Variants in CEP170B observed in about 807,000 individuals in gnomAD.
CEP170B encodes centrosomal protein of 170 kDa protein B.
In CEP170B, 55 loss-of-function variants were observed where a neutral mutation model predicts 120.6. The ratio of observed to expected loss-of-function variants is 0.46; its 90% CI spans 0.37 to 0.57. The LOEUF (loss-of-function observed/expected upper bound fraction) is 0.57, where lower values mean the gene tolerates loss of function less well. CEP170B is among the 20% of genes least tolerant of loss of function. The probability of loss-of-function intolerance (pLI) is 0.00; values close to 1 mark genes in which losing one functional copy is unlikely to be tolerated. For synonymous variants in CEP170B, 1,033 were observed against 954.5 expected (o/e 1.08, Z -1.52); for missense variants, 2,212 against 2,253.3 (o/e 0.98, Z 0.37).
intron 3 of CEP170B, among the ~76,000 whole-genome samples, chr14:104,877,664 G>A (rs953922705): frequency 1.2e-4 from 19 of 152,138 alleles, no homozygotes; most frequent in Admixed American, 9.8e-4. Flanking sequence ...GTGCTGGGTG[G>A]GCCCCAGTGT....
Position 104,886,669 on chromosome 14 carries a change from G to T in CEP170B, c.2430G>T (p.Arg810Ser), listed in dbSNP as rs370522535. ...AGAATGGGGACGCTGTGTTATCTAG[G>T]AAACCGCTTGCGGCTCCAGGGGATG... is the stretch of plus-strand genomic sequence containing the variant. Reference protein sequence around the residue: ...GDQNGDAVLSRKPLAAPGDGE... With the variant: ...GDQNGDAVLSSKPLAAPGDGE... Residue 810 changes from arginine (R) to serine (S), a missense_variant, in exon 12 of 19, where the codon AGG (arginine) becomes AGT (serine). Arg to Ser is a moderately radical substitution (Grantham distance 110, BLOSUM62 -1). Transcript: ENST00000414716. 1 of 1,540,666 alleles carries T rather than the reference G, an allele frequency of 6.5e-7. No individual in the cohort carries two copies. The highest frequency in any genetic ancestry group is 1.3e-5 in the South Asian group (1 of 78,798).
rs1375906314 is a variant in CEP170B at position 104,865,849 on chromosome 14, G to T, written c.-28+336G>T. ...CGCCGCTCCCTCCCCCGCCGGGCCC[G>T]GCCGCCTCCCTCCTGGCCTGGTCTC... On this transcript the variant is annotated intron_variant, in intron 1 of 18. Transcript: ENST00000414716. This position sits in a 1 kb window ranked among gnomAD's most constrained non-coding sequence, Gnocchi z 6.7. Among the ~76,000 whole-genome samples, 3 of 152,042 alleles carry T rather than the reference G, an allele frequency of 2.0e-5. No homozygotes were observed. The highest frequency in any genetic ancestry group is 1.5e-5 in the Non-Finnish European group (1 of 67,972).
intron 13 of CEP170B, among the ~76,000 whole-genome samples, chr14:104,892,082 C>T (rs920331324): frequency 1.3e-4 from 20 of 151,852 alleles, no homozygotes; most frequent in African/African-American, 4.3e-4. Flanking sequence ...GTGTGGGGGC[C>T]GAGGAGGCTT....
chr14:104,869,146 G>A (rs927921242), intron 2 of CEP170B, among the ~76,000 whole-genome samples: 4 of 152,188 alleles, frequency 2.6e-5, no homozygotes, highest in Non-Finnish European at 5.9e-5. Flanking sequence ...TTGGCTTTGT[G>A]GGGCTTGCGA....
chr14:104,885,497 G>C lies in CEP170B; in HGVS notation c.1899G>C (p.Glu633Asp), dbSNP rs1316646466. ...CCCAGCGGATGGCGCTACTGCAGGA[G>C]TTTGCCTCCCGGCCACTGGGTGCGG... The part of the protein sequence containing the change: ...GVAQRMALLQ[E>D]FASRPLGAAP... The change falls in exon 10 of 19, where the codon GAG (glutamate) becomes GAC (aspartate). Residue 633 changes from glutamate (E) to aspartate (D), a missense_variant. By Grantham distance (45) the Glu-to-Asp change is conservative. Coordinates refer to ENST00000414716, the MANE Select transcript of CEP170B (RefSeq NM_001112726.3). 1.9e-5 allele frequency: 30 copies of C among 1,567,282 alleles called. No homozygotes were observed. In the East Asian group the frequency reaches 7.1e-4, roughly 37 times the overall value.
chr14:104,868,632 C>A lies in CEP170B; in HGVS notation c.105+77C>A. On this transcript the variant is annotated intron_variant, in intron 2 of 18. Transcript: ENST00000414716. The surrounding 1 kb of genome is among the most constrained non-coding windows in gnomAD (Gnocchi z 5.9). Reference sequence around the variant, plus strand: ...CTGTGGAGGCCAGGAAGGTGCCCACCCCACTTGCTGCAGGCCACCCTGGCG... The same window carrying A: ...CTGTGGAGGCCAGGAAGGTGCCCACACCACTTGCTGCAGGCCACCCTGGCG... 3 of 1,372,458 alleles carry A rather than the reference C, an allele frequency of 2.2e-6. No homozygotes were observed. Among genetic ancestry groups the A allele is most frequent in the South Asian group, 1.3e-5 (1 of 76,408 alleles). The allele number at this position is 1,372,458 out of a possible 1,614,324, so 85.0% of individuals were successfully genotyped here. A position where few individuals can be genotyped will look rare whatever the true frequency, so the allele number is the denominator to read the frequency against.
Position 104,868,340 on chromosome 14 carries a change from A to G in CEP170B, c.-27-84A>G. On this transcript the variant is annotated intron_variant, in intron 1 of 18. Transcript: ENST00000414716. This position sits in a 1 kb window ranked among gnomAD's most constrained non-coding sequence, Gnocchi z 5.9. The stretch of plus-strand genomic sequence containing the variant: ...AGCTGCCAGCTTCCCTTAGAGGGTC[A>G]GGATCTGGGCTGGGCCTTGGATGTG... 5 of 940,156 alleles carry G rather than the reference A, an allele frequency of 5.3e-6. No individual in the cohort carries two copies. Among genetic ancestry groups the G allele is most frequent in the Non-Finnish European group, 7.9e-6 (5 of 635,180 alleles). 58.2% of individuals were successfully genotyped at this position (940,156 alleles called of 1,614,324 possible).
chr14:104,881,207 C>T (rs1412526427), intron 6 of CEP170B, among the ~76,000 whole-genome samples: 2 of 151,530 alleles, frequency 1.3e-5, no homozygotes, highest in Non-Finnish European at 2.9e-5. Context: ...GACAGCTGCA[C>T]GAGGGTCCGC....
Position 104,883,246 on chromosome 14 carries a change from G to A in CEP170B, c.789G>A (p.Val263=). 6.2e-7 allele frequency: 1 copy of A among 1,611,512 alleles called. No homozygotes were observed. Among genetic ancestry groups the A allele is most frequent in the Non-Finnish European group, 8.5e-7 (1 of 1,179,584 alleles). Reference sequence around the variant, plus strand: ...GTGGGGGCGGAGCGGCCCCTGTGGTGCAGAGCCACGCCTCCTTCACCATCG... The same window carrying A: ...GTGGGGGCGGAGCGGCCCCTGTGGTACAGAGCCACGCCTCCTTCACCATCG... ...EAGGGGAAPV[V]QSHASFTIEF... The change falls in exon 8 of 19, where the codon GTG becomes GTA. Residue 263 remains valine (V), a synonymous_variant. Transcript: ENST00000414716.
intron 7 of CEP170B, 97 bp from the exon 8 acceptor site, chr14:104,882,938 G>A: frequency 1.4e-6 from 2 of 1,451,924 alleles, no homozygotes; most frequent in Non-Finnish European, 1.8e-6. Flanking sequence ...CATGGGGCCT[G>A]TCTCCCCCTC....
Position 104,880,417 on chromosome 14 carries a change from C to T in CEP170B, c.464C>T (p.Pro155Leu), listed in dbSNP as rs777894025. The T allele has an allele frequency of 1.2e-6, 2 of 1,612,202 alleles. No individual in the cohort carries two copies. Among genetic ancestry groups the T allele is most frequent in the African/African-American group, 1.3e-5 (1 of 74,974 alleles). ...AGGCCGGAGAAGGGGGACCGGAGAC[C>T]AGGAACAGGTAGGCCCAGGCAGTGC... The part of the protein sequence containing the change: ...NPRPEKGDRR[P>L]GTEAASYRTP... Residue 155 changes from proline (P) to leucine (L), a missense_variant, in exon 6 of 19, where the codon CCA becomes CTA. Pro to Leu is a moderately conservative substitution (Grantham distance 98, BLOSUM62 -3). Transcript: ENST00000414716.
rs1895153211 is a variant in CEP170B at position 104,865,402 on chromosome 14, GGCGGGCGC to G, written c.-137_-130del. Reference sequence around the variant, plus strand: ...CGCCCAGCGCTCGGCCGGGCGGGCGGGCGGGCGCGAGGGCAGGGACCGAGCCGGGCCGA... The same window carrying G: ...CGCCCAGCGCTCGGCCGGGCGGGCGGGAGGGCAGGGACCGAGCCGGGCCGA... On this transcript the variant is annotated 5_prime_UTR_variant, in exon 1 of 19. Transcript: ENST00000414716. This position sits in a 1 kb window ranked among gnomAD's most constrained non-coding sequence, Gnocchi z 6.7. 6.7e-6 allele frequency: 1 copy of G among 149,332 alleles called. No individual in the cohort carries two copies. Among genetic ancestry groups the G allele is most frequent in the Non-Finnish European group, 1.5e-5 (1 of 67,018 alleles). The allele number at this position is 149,332 out of a possible 1,614,324, so 9.3% of individuals were successfully genotyped here. A position where few individuals can be genotyped will look rare whatever the true frequency, so the allele number is the denominator to read the frequency against.
chr14:104,877,521 A>G (rs1447944914), intron 3 of CEP170B, among the ~76,000 whole-genome samples: 1 of 152,194 alleles, frequency 6.6e-6, no homozygotes, highest in Non-Finnish European at 1.5e-5. Context: ...ACTGTTCCCA[A>G]GGGCTCATGG....
intron 12 of CEP170B, 29 bp downstream of exon 12, chr14:104,888,007 G>A (rs1235937486): frequency 6.9e-7 from 1 of 1,457,850 alleles, no homozygotes; most frequent in Admixed American, 2.4e-5. Flanking sequence ...GGGAGGCCAG[G>A]GCCAAGACAG....
intron 10 of CEP170B, 70 bp downstream of exon 10, chr14:104,885,612 G>T: frequency 6.7e-7 from 1 of 1,494,462 alleles, no homozygotes; most frequent in Non-Finnish European, 8.8e-7. Flanking sequence ...CCGGACCTGG[G>T]GTCAGCGGGC....
At chr14:104,885,566 A>G (rs1291106385) in intron 10 of CEP170B, 24 bp downstream of exon 10, 3 of 1,538,078 alleles carry the variant, frequency 2.0e-6, no homozygotes, top group Non-Finnish European at 8.7e-7. Context: ...CGGCCACCCC[A>G]AGGAGGGGCT....
At chr14:104,865,044 T>G (rs1266736672), upstream of CEP170B, among the ~76,000 whole-genome samples, 64 of 44,010 alleles carry the variant, frequency 1.5e-3, no homozygotes, top group East Asian at 2.1e-3. The surrounding 1 kb of genome is among the most constrained non-coding windows in gnomAD (Gnocchi z 6.7). Flanking sequence ...GCCTGGGCGG[T>G]GGGGGAAGGT....
At position 104,884,499 on chromosome 14, in the gene CEP170B, A is replaced by G; in HGVS notation, c.1720A>G (p.Thr574Ala). 3 of 1,564,794 alleles carry G rather than the reference A, an allele frequency of 1.9e-6. No individual in the cohort carries two copies. The highest frequency in any genetic ancestry group is 2.6e-6 in the Non-Finnish European group (3 of 1,154,638). The change falls in exon 9 of 19, where the codon ACC becomes GCC. Residue 574 changes from threonine to alanine, a missense_variant. By Grantham distance (58) the Thr-to-Ala change is moderately conservative. Coordinates refer to ENST00000414716, the MANE Select transcript of CEP170B (RefSeq NM_001112726.3). The part of the protein sequence containing the change: ...LSDAGTYTIE[T>A]EAQDTEVEEA... ...TGACGCAGGGACATACACCATCGAG[A>G]CCGAGGCGCAGGACACGGAGGTGGA...
chr14:104,891,113 G>T lies in CEP170B; in HGVS notation c.3878+1355G>T, dbSNP rs1344201455. On this transcript the variant is annotated intron_variant, in intron 13 of 18. Coordinates refer to ENST00000414716, the MANE Select transcript of CEP170B (RefSeq NM_001112726.3). The surrounding 1 kb of genome is among the most constrained non-coding windows in gnomAD (Gnocchi z 4.3). ...GAGTGGGTGGATGGAGGGGTGGGTG[G>T]ATGCAGATCTTCCCAGGAGGTGAGA... is the stretch of plus-strand genomic sequence containing the variant. Among the ~76,000 whole-genome samples, 1 of 151,944 alleles carries T rather than the reference G, an allele frequency of 6.6e-6. No homozygotes were observed. Among genetic ancestry groups the T allele is most frequent in the Non-Finnish European group, 1.5e-5 (1 of 67,966 alleles).
Sources: allele counts gnomAD v4.1 joint callset (sites outside exome capture counted in the v4.1 genomes callset), GRCh38; gene constraint gnomAD v4.1.1; non-coding constraint Gnocchi (gnomAD v3.1); transcripts MANE v1.5; gene names NCBI Gene and HGNC (gene_info 2026-07-23, HGNC 2026-07-21).